Variants in KCNH1 observed in about 807,000 individuals in gnomAD.
KCNH1 encodes the protein voltage-gated delayed rectifier potassium channel KCNH1.
In KCNH1, 27 loss-of-function variants were observed where a neutral mutation model predicts 69.2. That is an observed-to-expected ratio of 0.39 (90% CI 0.29 to 0.54). The LOEUF (loss-of-function observed/expected upper bound fraction) is 0.54, where lower values mean the gene tolerates loss of function less well. Ranked by LOEUF, KCNH1 falls within the 20% of genes least tolerant of loss-of-function variation. KCNH1 has a pLI of 0.68. For synonymous variants in KCNH1, 456 were observed against 487.7 expected, an observed-to-expected ratio of 0.93 and a Z score of 0.86; for missense variants, 798 against 1,261.6, an observed-to-expected ratio of 0.63 and a Z score of 5.57.
intron 10 of KCNH1, among the ~76,000 whole-genome samples, chr1:210,756,025 C>T (rs1683392198): frequency 6.6e-6 from 1 of 152,212 alleles, no homozygotes; most frequent in African/African-American, 2.4e-5. Context: ...TACTGCATGG[C>T]ACGCTGCTAG....
intron 5 of KCNH1, among the ~76,000 whole-genome samples, chr1:211,051,337 T>C (rs1324376337): frequency 6.6e-6 from 1 of 152,108 alleles, no homozygotes; most frequent in Non-Finnish European, 1.5e-5. Flanking sequence ...CTTCATCTAA[T>C]GGAGGCGGCA....
At chr1:211,041,587 A>G (rs1178306921) in intron 5 of KCNH1, among the ~76,000 whole-genome samples, 1 of 152,212 alleles carries the variant, frequency 6.6e-6, no homozygotes, top group Non-Finnish European at 1.5e-5. Context: ...ATCAACTTGT[A>G]TTCCATCAGG....
chr1:210,876,505 A>G (rs925957107), intron 7 of KCNH1, among the ~76,000 whole-genome samples: 2 of 152,150 alleles, frequency 1.3e-5, no homozygotes, highest in Admixed American at 6.6e-5. Context: ...GGGACAGGTT[A>G]TGACATATTC....
chr1:211,133,529 C>T lies in KCNH1; in HGVS notation c.79+338G>A, dbSNP rs1691915720. Among the ~76,000 whole-genome samples, 1 of 152,168 alleles carries T rather than the reference C, an allele frequency of 6.6e-6. No individual in the cohort carries two copies. Among genetic ancestry groups the T allele is most frequent in the South Asian group, 2.1e-4 (1 of 4,834 alleles). On this transcript the variant is annotated intron_variant, in intron 1 of 10. Transcript: ENST00000271751. The surrounding 1 kb of genome is among the most constrained non-coding windows in gnomAD (Gnocchi z 5.4). ...AAGGGTGGGCAGTGCCGATGGGGCG[C>T]GCGCTGCCGCTCCGGCTGCAGCCAG...
intron 6 of KCNH1, among the ~76,000 whole-genome samples, chr1:210,949,089 GA>G (rs1443736657): frequency 6.6e-6 from 1 of 152,092 alleles, no homozygotes; most frequent in African/African-American, 2.4e-5. Context: ...GATATGTAAT[GA>G]ACAATTTTTT....
At chr1:211,037,539 T>C (rs1485961339) in intron 5 of KCNH1, among the ~76,000 whole-genome samples, 2 of 148,118 alleles carry the variant, frequency 1.4e-5, no homozygotes, top group Non-Finnish European at 3.0e-5. Context: ...CTTGATAACT[T>C]ACTGTTTTTC....
intron 7 of KCNH1, among the ~76,000 whole-genome samples, chr1:210,806,823 A>AT (rs1558477773): frequency 0.017 from 1,199 of 70,278 alleles, 78 homozygotes; most frequent in East Asian, 0.022. Context: ...AAAAAAAAAA[A>AT]AAAAAAAAAA....
chr1:211,076,046 C>T (rs527995078), intron 5 of KCNH1, among the ~76,000 whole-genome samples: 1 of 152,346 alleles, frequency 6.6e-6, no homozygotes, highest in East Asian at 1.9e-4. Flanking sequence ...TCCACCATTA[C>T]TGAGGCTTGA....
At chr1:210,860,500 G>T (rs1574301620) in intron 7 of KCNH1, 2 of 841,230 alleles carry the variant, frequency 2.4e-6, no homozygotes, top group East Asian at 2.4e-5. Context: ...ATCTGGCCCT[G>T]TCTGGATTAC....
chr1:211,118,788 T>G (rs1461419702), intron 1 of KCNH1, among the ~76,000 whole-genome samples: 1 of 152,184 alleles, frequency 6.6e-6, no homozygotes, highest in African/African-American at 2.4e-5. Flanking sequence ...AAAAATTGCT[T>G]TTCATCAAAA....
intron 6 of KCNH1, among the ~76,000 whole-genome samples, chr1:210,952,489 C>A (rs1476042242): frequency 6.6e-6 from 1 of 152,204 alleles, no homozygotes; most frequent in African/African-American, 2.4e-5. Flanking sequence ...AAGCATCAGA[C>A]AAACCAATAA....
At chr1:210,798,901 A>G (rs1406781035) in intron 8 of KCNH1, among the ~76,000 whole-genome samples, 1 of 152,226 alleles carries the variant, frequency 6.6e-6, no homozygotes, top group Non-Finnish European at 1.5e-5. Context: ...GCATTGCTAA[A>G]CACTTTAGAA....
intron 10 of KCNH1, 47 bp downstream of exon 10, chr1:210,775,301 G>A: frequency 2.0e-6 from 3 of 1,526,156 alleles, no homozygotes; most frequent in Non-Finnish European, 1.8e-6. Context: ...TATCCAAAGT[G>A]TACAGAGACT....
chr1:211,066,208 C>A (rs4391724), intron 5 of KCNH1, among the ~76,000 whole-genome samples: 56,902 of 151,868 alleles, frequency 0.37, 11,264 homozygotes, highest in South Asian at 0.43. Flanking sequence ...ATTTTTAAAA[C>A]CTGATTTCTG....
At chr1:211,122,504 C>G (rs1691707704) in intron 1 of KCNH1, among the ~76,000 whole-genome samples, 1 of 152,184 alleles carries the variant, frequency 6.6e-6, no homozygotes, top group South Asian at 2.1e-4. Context: ...ATAAGCCATT[C>G]TACTATAAAG....
intron 3 of KCNH1, among the ~76,000 whole-genome samples, chr1:211,091,275 G>A (rs1691046796): frequency 1.3e-5 from 2 of 152,066 alleles, no homozygotes; most frequent in Non-Finnish European, 1.5e-5. Context: ...TCTGCCTCCT[G>A]AGTGCAAGTG....
chr1:210,929,864 G>A (rs542992953), intron 6 of KCNH1, among the ~76,000 whole-genome samples: 189 of 152,306 alleles, frequency 1.2e-3, no homozygotes, highest in Non-Finnish European at 2.4e-3. Context: ...CAAATCAGTA[G>A]CTCTTTTATT....
intron 10 of KCNH1, among the ~76,000 whole-genome samples, chr1:210,762,244 G>T (rs1683537997): frequency 6.6e-6 from 1 of 152,100 alleles, no homozygotes; most frequent in South Asian, 2.1e-4. Flanking sequence ...TAAGAGGAAA[G>T]TTTATAGTTC....
Position 210,848,979 on chromosome 1 carries a change from AG to A in KCNH1, c.1463-44814del, listed in dbSNP as rs1685622489. On this transcript the variant is annotated intron_variant, in intron 7 of 10. Coordinates refer to ENST00000271751, the MANE Select transcript of KCNH1 (RefSeq NM_172362.3). Reference sequence around the variant, plus strand: ...AATGTACACAACTAATTACAATTCAAGGCAAAGTAAAATAACTTTAAGAGAA... The same window carrying A: ...AATGTACACAACTAATTACAATTCAAGCAAAGTAAAATAACTTTAAGAGAA... Among the ~76,000 whole-genome samples, 24 of 152,324 alleles carry A rather than the reference AG, an allele frequency of 1.6e-4. No individual in the cohort carries two copies. The South Asian group carries it at 4.4e-3, about 28-fold the overall frequency.
Sources: allele counts gnomAD v4.1 joint callset (sites outside exome capture counted in the v4.1 genomes callset), GRCh38; gene constraint gnomAD v4.1.1; non-coding constraint Gnocchi (gnomAD v3.1); transcripts MANE v1.5; gene names NCBI Gene and HGNC (gene_info 2026-07-23, HGNC 2026-07-21).